Variants in ATRX observed in about 807,000 individuals in gnomAD.
ATRX encodes the protein ATRX chromatin remodeler, also known as chromatin remodeler ATRX.
ATRX carries 12 observed loss-of-function variants against 172.6 expected under a neutral mutation model. The ratio of observed to expected loss-of-function variants is 0.07; its 90% CI spans 0.04 to 0.11. ATRX has a LOEUF of 0.11. Among genes scored for constraint, ATRX ranks in the 10% least tolerant of loss-of-function variants. The pLI is 1.00. For synonymous variants in ATRX, 674 were observed against 594.7 expected (o/e 1.13, Z -1.94); for missense variants, 1,368 against 1,767.4 (o/e 0.77, Z 4.05).
At chrX:77,598,275 GGAC>G (rs2066540041) in intron 25 of ATRX, among the ~76,000 whole-genome samples, 1 of 110,074 alleles carries the variant, frequency 9.1e-6, no homozygotes, top group Admixed American at 9.7e-5. Context: ...CAGACACGGA[GGAC>G]TACTAGAGTG....
intron 7 of ATRX, among the ~76,000 whole-genome samples, chrX:77,686,717 A>C (rs1557144143): frequency 9.0e-6 from 1 of 110,525 alleles, no homozygotes; most frequent in African/African-American, 3.3e-5. Context: ...TCCGCCTCAA[A>C]AATAAATAAA....
In ATRX at chrX:77,684,120, T is replaced by C. The variant is rs782306700; in HGVS notation, c.1136A>G (p.Asp379Gly). The change falls in exon 9 of 35, where the codon GAT (aspartate) becomes GGT (glycine). Residue 379 changes from aspartate (D) to glycine (G), a missense_variant. This residue lies in a region of ATRX where 843 missense variants were observed against 643.1 expected (regional missense o/e 1.31). Coordinates refer to ENST00000373344, the MANE Select transcript of ATRX (RefSeq NM_000489.6). ...TGTAGCAGAACTGATTTCTGAATTA[T>C]CTGTTGCCTGCTTTAAAAATTTAAC... ...SYVKFLKQAT[D>G]NSEISSATKL... The C allele has an allele frequency of 8.3e-7, 1 of 1,207,734 alleles. No individual in the cohort carries two copies. The highest frequency in any genetic ancestry group is 1.1e-6 in the Non-Finnish European group (1 of 892,780).
intron 30 of ATRX, among the ~76,000 whole-genome samples, chrX:77,536,097 T>C (rs1383817312): frequency 9.1e-6 from 1 of 109,912 alleles, no homozygotes; most frequent in Admixed American, 9.8e-5. Flanking sequence ...TGGAATGCAG[T>C]GGCTAGTCAT....
intron 30 of ATRX, among the ~76,000 whole-genome samples, chrX:77,530,985 G>A (rs782020132): frequency 2.1e-4 from 24 of 111,981 alleles, no homozygotes; most frequent in South Asian, 7.4e-4. Flanking sequence ...GCAAACAACC[G>A]TCAGAGAATA....
Position 77,682,525 on chromosome X carries a change from T to G in ATRX, c.2731A>C (p.Lys911Gln), listed in dbSNP as rs2071275124. The G allele has an allele frequency of 8.3e-7, 1 of 1,211,483 alleles. No homozygotes were observed. The highest frequency in any genetic ancestry group is 1.1e-6 in the Non-Finnish European group (1 of 895,420). Residue 911 changes from lysine to glutamine, a missense_variant, in exon 9 of 35, where the codon AAG (lysine) becomes CAG (glutamine). Transcript: ENST00000373344. The part of the protein sequence containing the change: ...IMELRDRLPK[K>Q]QQASASTDGV... ...TCAGTGGAAGCACTTGCTTGCTGCTTCTTAGGAAGTCGATCTCTTAATTCC... is the reference window on the plus strand; with the variant it reads ...TCAGTGGAAGCACTTGCTTGCTGCTGCTTAGGAAGTCGATCTCTTAATTCC...
In ATRX at chrX:77,698,621, T is replaced by A. The variant is rs1557151486; in HGVS notation, c.142A>T (p.Ser48Cys). The A allele has an allele frequency of 8.3e-7, 1 of 1,199,559 alleles. No individual in the cohort carries two copies. The highest frequency in any genetic ancestry group is 2.2e-5 in the Admixed American group (1 of 45,959). Residue 48 changes from serine (S) to cysteine (C), a missense_variant, in exon 3 of 35, where the codon AGT becomes TGT. Around this residue, in one of 17 missense-constraint regions of ATRX, gnomAD observed 84 missense variants for 82.8 expected, o/e 1.01. Coordinates refer to ENST00000373344, the MANE Select transcript of ATRX (RefSeq NM_000489.6). The part of the protein sequence containing the change: ...LAMNQNTDKI[S>C]GSGSNSDMME... ...ATATCAGAGTTACTTCCAGAACCAC[T>A]GATTTTATCTAAAAAAGAAGAAATA...
chrX:77,599,551 T>G lies in ATRX; in HGVS notation c.5816A>C (p.Lys1939Thr), dbSNP rs1557085870. Residue 1939 changes from lysine (K) to threonine (T), a missense_variant, in exon 25 of 35, where the codon AAA (lysine) becomes ACA (threonine). Lys to Thr is a moderately conservative substitution (Grantham distance 78). This residue lies in a region of ATRX where 17 missense variants were observed against 17.7 expected (regional missense o/e 0.96). Coordinates refer to ENST00000373344, the MANE Select transcript of ATRX (RefSeq NM_000489.6). ...KKKKKGKKGK[K>T]DSSSSGSGSD... ...GCCACTTCCACTTGAGCTACTATCTTTTTTCCCCTTTTTCCCTTTTTTCTT... is the reference window on the plus strand; with the variant it reads ...GCCACTTCCACTTGAGCTACTATCTGTTTTCCCCTTTTTCCCTTTTTTCTT... 2 of 1,209,382 alleles carry G rather than the reference T, an allele frequency of 1.7e-6. No homozygotes were observed. The highest frequency in any genetic ancestry group is 3.5e-5 in the South Asian group (2 of 56,789).
rs138437456 is a variant in ATRX at position 77,721,417 on chromosome X, T to A, written c.21-4174A>T. Reference sequence around the variant, plus strand: ...TCTGCAGATGAAATGATTGCATATTTAGAAAACCCCACCATCTCAGCCCAA... The same window carrying A: ...TCTGCAGATGAAATGATTGCATATTAAGAAAACCCCACCATCTCAGCCCAA... On this transcript the variant is annotated intron_variant, in intron 1 of 34. Transcript: ENST00000373344. Among the ~76,000 whole-genome samples the A allele has an allele frequency of 3.9e-3, 439 of 111,918 alleles. 1 individual carries two copies. Among genetic ancestry groups the A allele is most frequent in the African/African-American group, 0.014 (427 of 30,775 alleles).
chrX:77,765,793 C>A (rs1557195132), intron 1 of ATRX, among the ~76,000 whole-genome samples: 1 of 108,416 alleles, frequency 9.2e-6, no homozygotes. Context: ...AGCAGATAAA[C>A]AAGTGAACAA....
chrX:77,731,210 T>C (rs1314207229), intron 1 of ATRX, among the ~76,000 whole-genome samples: 1 of 110,705 alleles, frequency 9.0e-6, no homozygotes, highest in Admixed American at 9.6e-5. Flanking sequence ...TATGAAAAAC[T>C]ATATGCTAAT....
rs2148582048 is a variant in ATRX, at chrX:77,682,177, G to A, written c.3079C>T (p.His1027Tyr). The stretch of plus-strand genomic sequence containing the variant: ...ATTTGTTTTATGCCCTTAGGAAAAT[G>A]ACAAATTTCTTCTCGCTCAGGTAAC... ...EKLPEREEIC[H>Y]FPKGIKQIKN... is the part of the protein sequence containing the mutation. Residue 1027 changes from histidine (H) to tyrosine (Y), a missense_variant, in exon 9 of 35, where the codon CAT (histidine) becomes TAT (tyrosine). By Grantham distance (83) the His-to-Tyr change is moderately conservative. Coordinates refer to ENST00000373344, the MANE Select transcript of ATRX (RefSeq NM_000489.6). 3.3e-6 allele frequency: 4 copies of A among 1,210,876 alleles called. No individual in the cohort carries two copies. Among genetic ancestry groups the A allele is most frequent in the Non-Finnish European group, 4.5e-6 (4 of 895,057 alleles).
chrX:77,699,141 C>CT (rs1156542649), intron 2 of ATRX, among the ~76,000 whole-genome samples: 3 of 108,116 alleles, frequency 2.8e-5, no homozygotes, highest in Admixed American at 9.9e-5. Context: ...CCTTTTCCTC[C>CT]TTTTTTTTTA....
At chrX:77,525,395 T>C (rs1351132477) in intron 30 of ATRX, among the ~76,000 whole-genome samples, 5 of 111,563 alleles carry the variant, frequency 4.5e-5, no homozygotes, top group Non-Finnish European at 9.4e-5. Context: ...AACACATACA[T>C]GCCAAACATG....
intron 1 of ATRX, among the ~76,000 whole-genome samples, chrX:77,750,618 C>T (rs1875620992): frequency 9.1e-6 from 1 of 110,004 alleles, no homozygotes; most frequent in Admixed American, 9.8e-5. Context: ...CACCTATCAA[C>T]CCATCATCTA....
At chrX:77,694,360 C>A (rs1243261370) in intron 5 of ATRX, among the ~76,000 whole-genome samples, 2 of 111,362 alleles carry the variant, frequency 1.8e-5, no homozygotes, top group Non-Finnish European at 1.9e-5. Flanking sequence ...TAATCCAAAT[C>A]ATAAACTCAG....
At chrX:77,668,271 A>G (rs2070366453) in intron 10 of ATRX, among the ~76,000 whole-genome samples, 1 of 111,276 alleles carries the variant, frequency 9.0e-6, no homozygotes, top group Non-Finnish European at 1.9e-5. Context: ...CGGGCCACAG[A>G]GACTTCAAGG....
chrX:77,724,233 C>T (rs976447668), intron 1 of ATRX, among the ~76,000 whole-genome samples: 2 of 109,272 alleles, frequency 1.8e-5, no homozygotes, highest in East Asian at 2.9e-4. Context: ...GCCAAGATCG[C>T]GCCACTGCAC....
chrX:77,538,518 C>A (rs879954297), intron 30 of ATRX, among the ~76,000 whole-genome samples: 4 of 111,163 alleles, frequency 3.6e-5, no homozygotes, highest in Admixed American at 9.7e-5. Context: ...GTATTGTGTA[C>A]AATTAACACT....
intron 2 of ATRX, 199 bp from the exon 3 acceptor site, chrX:77,698,828 A>G (rs1396885501): frequency 1.3e-5 from 6 of 448,295 alleles, no homozygotes; most frequent in Middle Eastern, 3.5e-4. Context: ...CCCTCCTTAT[A>G]AAGCATGAAA....
Sources: gnomAD v4.1 joint callset for allele counts (sites outside exome capture counted in the v4.1 genomes callset) on GRCh38, gnomAD v4.1.1 for gene constraint, gnomAD v4.1.1 regional missense constraint, MANE v1.5 for transcripts, NCBI Gene and HGNC (gene_info 2026-07-23, HGNC 2026-07-21) for gene names.